RALGAPB: variants seen among roughly 807,000 people sequenced by gnomAD.
RALGAPB encodes Ral GTPase activating protein non-catalytic subunit beta.
Under a neutral mutation model 161.1 loss-of-function variants are expected in RALGAPB, and 25 were observed. The observed-to-expected ratio is 0.16, with a 90% CI of 0.11 to 0.22. RALGAPB has a LOEUF of 0.22. Among genes scored for constraint, RALGAPB ranks in the 10% least tolerant of loss-of-function variants. RALGAPB has a pLI of 1.00. For synonymous variants in RALGAPB, 629 were observed against 626.1 expected (o/e 1.00, Z -0.07); for missense variants, 1,391 against 1,815.2 (o/e 0.77, Z 4.25).
rs942689225 is a variant in RALGAPB at position 38,567,884 on chromosome 20, G to T, written c.3954+652G>T. Among the ~76,000 whole-genome samples, 20 of 152,284 alleles carry T rather than the reference G, an allele frequency of 1.3e-4. No homozygotes were observed. The East Asian group carries it at 1.9e-3, about 15-fold the overall frequency. Reference sequence around the variant, plus strand: ...AAAGTTATTTTTAATGTAAGTGTATGCTTAAAAGAGAATACGGGGAGGTTT... The same window carrying T: ...AAAGTTATTTTTAATGTAAGTGTATTCTTAAAAGAGAATACGGGGAGGTTT... On this transcript the variant is annotated intron_variant, in intron 26 of 29. Transcript: ENST00000262879.
intron 28 of RALGAPB, among the ~76,000 whole-genome samples, chr20:38,571,554 GAAT>G (rs1302856449): frequency 2.0e-5 from 3 of 152,174 alleles, no homozygotes; most frequent in Non-Finnish European, 4.4e-5. Flanking sequence ...TTTTAAGACT[GAAT>G]AATATTTCAT....
intron 1 of RALGAPB, among the ~76,000 whole-genome samples, chr20:38,473,992 C>T (rs1333647264): frequency 3.9e-5 from 6 of 152,200 alleles, no homozygotes; most frequent in African/African-American, 1.4e-4. Context: ...TTGCAGGTTC[C>T]ACCCGCAGAG....
At chr20:38,504,474 A>T (rs910457566) in intron 5 of RALGAPB, among the ~76,000 whole-genome samples, 1 of 152,224 alleles carries the variant, frequency 6.6e-6, no homozygotes, top group Non-Finnish European at 1.5e-5. Context: ...TCAAGCTATA[A>T]GAATACTAGA....
At chr20:38,484,187 AAAAG>A (rs2085054462) in intron 1 of RALGAPB, among the ~76,000 whole-genome samples, 1 of 152,230 alleles carries the variant, frequency 6.6e-6, no homozygotes, top group South Asian at 2.1e-4. Context: ...CAAAAAAAAG[AAAAG>A]AAAAGAGTAG....
chr20:38,519,527 T>G (rs1361116798), intron 9 of RALGAPB, among the ~76,000 whole-genome samples: 2 of 152,160 alleles, frequency 1.3e-5, no homozygotes, highest in African/African-American at 4.8e-5. Flanking sequence ...AACTTATAGA[T>G]CTTTTTGCTC....
At chr20:38,518,139 C>G in intron 9 of RALGAPB, 139 bp downstream of exon 9, 2 of 780,596 alleles carry the variant, frequency 2.6e-6, no homozygotes, top group South Asian at 3.7e-5. Flanking sequence ...TGTGCTTAAC[C>G]CCTTCCAGCT....
At chr20:38,565,221 T>G (rs991246318) in intron 24 of RALGAPB, 138 bp from the exon 25 acceptor site, 4 of 958,516 alleles carry the variant, frequency 4.2e-6, no homozygotes, top group Admixed American at 2.5e-5. Flanking sequence ...ATTTTATTCT[T>G]TCATACTAAT....
chr20:38,475,054 T>A lies in RALGAPB; in HGVS notation c.-31+1985T>A, dbSNP rs190600014. On this transcript the variant is annotated intron_variant, in intron 1 of 29. Coordinates refer to ENST00000262879, the MANE Select transcript of RALGAPB (RefSeq NM_020336.4). ...TACCAATTGCAAGGCACTCTGTAAC[T>A]AACCATGTGCAATCAACATTGTTTG... Among the ~76,000 whole-genome samples the A allele has an allele frequency of 7.6e-3, 1,154 of 152,376 alleles. 4 individuals carry two copies. Among genetic ancestry groups the A allele is most frequent in the Non-Finnish European group, 0.013 (866 of 68,036 alleles).
rs1251968707 is a variant in RALGAPB, at chr20:38,574,198, A to G, written c.4191A>G (p.Leu1397=). The change falls in exon 29 of 30, where the codon TTA becomes TTG. Residue 1397 remains leucine, a synonymous_variant. Coordinates refer to ENST00000262879, the MANE Select transcript of RALGAPB (RefSeq NM_020336.4). ...KEVPVIFIHP[L]NTGLFRIKIQ... is the part of the protein sequence containing the mutation. ...TTCCTGTCATCTTCATCCACCCTTT[A>G]AACACTGGATTATTCCGGATAAAAA... 6.2e-7 allele frequency: 1 copy of G among 1,613,584 alleles called. No individual in the cohort carries two copies.
At chr20:38,544,596 T>A (rs1251935434) in intron 18 of RALGAPB, among the ~76,000 whole-genome samples, 1 of 152,132 alleles carries the variant, frequency 6.6e-6, no homozygotes, top group Non-Finnish European at 1.5e-5. Flanking sequence ...GCTTCCCGAG[T>A]ACCTGGGACT....
intron 23 of RALGAPB, among the ~76,000 whole-genome samples, chr20:38,561,929 A>T (rs1277480573): frequency 6.6e-6 from 1 of 151,946 alleles, no homozygotes; most frequent in African/African-American, 2.4e-5. Context: ...AGAATGAAGG[A>T]CTCTTTGTGA....
chr20:38,558,995 T>G, intron 23 of RALGAPB, among the ~76,000 whole-genome samples: 1 of 152,248 alleles, frequency 6.6e-6, no homozygotes, highest in Admixed American at 6.5e-5. Flanking sequence ...AGAAGTATTT[T>G]GTACTTGATG....
chr20:38,566,434 A>G (rs907377580), intron 25 of RALGAPB, among the ~76,000 whole-genome samples: 1 of 152,182 alleles, frequency 6.6e-6, no homozygotes, highest in Non-Finnish European at 1.5e-5. Flanking sequence ...GTACCAGACA[A>G]GTCCTCCCAG....
chr20:38,513,590 A>T (rs1161033325), intron 6 of RALGAPB, among the ~76,000 whole-genome samples: 1 of 151,716 alleles, frequency 6.6e-6, no homozygotes, highest in African/African-American at 2.4e-5. Flanking sequence ...GCAGAGTTGC[A>T]GTGAGCCAAG....
chr20:38,491,502 C>T (rs916659178), intron 2 of RALGAPB, among the ~76,000 whole-genome samples: 6 of 152,192 alleles, frequency 3.9e-5, no homozygotes, highest in Admixed American at 2.6e-4. Context: ...ATGTCTCCAT[C>T]TTGTCCACAA....
chr20:38,542,635 T>TAAG (rs2087008149), intron 18 of RALGAPB, among the ~76,000 whole-genome samples: 1 of 152,110 alleles, frequency 6.6e-6, no homozygotes, highest in Admixed American at 6.5e-5. Context: ...GGCTGCACTT[T>TAAG]GGGAGGCCGA....
rs545543557 is a variant in RALGAPB at position 38,550,035 on chromosome 20, A to G, written c.3010-1036A>G. On this transcript the variant is annotated intron_variant, in intron 20 of 29. Transcript: ENST00000262879. Reference sequence around the variant, plus strand: ...TGGAAATCATCATTCTCAGTAAACTATCGCAAGAACAAAAAACCAAACACC... The same window carrying G: ...TGGAAATCATCATTCTCAGTAAACTGTCGCAAGAACAAAAAACCAAACACC... Among the ~76,000 whole-genome samples, 114 of 152,312 alleles carry G rather than the reference A, an allele frequency of 7.5e-4. 1 individual carries two copies. The highest frequency in any genetic ancestry group is 2.6e-3 in the African/African-American group (108 of 41,574).
chr20:38,551,654 G>A (rs145440012), intron 21 of RALGAPB, among the ~76,000 whole-genome samples: 1 of 152,312 alleles, frequency 6.6e-6, no homozygotes, highest in East Asian at 1.9e-4. Flanking sequence ...AAGAGCCAAA[G>A]AATTTCAGAT....
rs767917509 is a variant in RALGAPB at position 38,517,540 on chromosome 20, A to G, written c.1086A>G (p.Pro362=). The G allele has an allele frequency of 3.1e-6, 5 of 1,610,638 alleles. No individual in the cohort carries two copies. The East Asian group carries it at 8.9e-5, about 29-fold the overall frequency. Residue 362 remains proline (P), a synonymous_variant, in exon 8 of 30, where the codon CCA becomes CCG. Coordinates refer to ENST00000262879, the MANE Select transcript of RALGAPB (RefSeq NM_020336.4). ...GACCCCGATCAGACAGTGCTCCCCCAACACCCGTGAATAGATTAAGTATGC... is the reference window on the plus strand; with the variant it reads ...GACCCCGATCAGACAGTGCTCCCCCGACACCCGTGAATAGATTAAGTATGC... ...ISRPRSDSAP[P]TPVNRLSMPQ...
Sources: allele counts gnomAD v4.1 joint callset (sites outside exome capture counted in the v4.1 genomes callset), GRCh38; gene constraint gnomAD v4.1.1; transcripts MANE v1.5; gene names NCBI Gene and HGNC (gene_info 2026-07-23, HGNC 2026-07-21).